Variants in PTPN5 observed in about 807,000 individuals in gnomAD.
PTPN5 encodes the protein tyrosine-protein phosphatase non-receptor type 5.
A neutral mutation model predicts 73.9 loss-of-function variants in PTPN5; 29 were observed. The ratio of observed to expected loss-of-function variants is 0.39; its 90% CI spans 0.29 to 0.54. The LOEUF (loss-of-function observed/expected upper bound fraction) is 0.54. Among genes scored for constraint, PTPN5 ranks in the 20% least tolerant of loss-of-function variants. The probability of loss-of-function intolerance (pLI) is 0.65; values close to 1 mark genes in which losing one functional copy is unlikely to be tolerated. For synonymous variants in PTPN5, 267 were observed against 304.7 expected (o/e 0.88, Z 1.29); for missense variants, 652 against 751.4 (o/e 0.87, Z 1.55).
chr11:18,777,475 C>A (rs781691156), intron 1 of PTPN5, among the ~76,000 whole-genome samples: 6 of 152,156 alleles, frequency 3.9e-5, no homozygotes, highest in South Asian at 4.1e-4. Flanking sequence ...TCAGGCTTTG[C>A]CTGTTTCCCA....
intron 1 of PTPN5, among the ~76,000 whole-genome samples, chr11:18,780,966 T>C (rs1196373214): frequency 1.3e-5 from 2 of 152,206 alleles, no homozygotes; most frequent in Non-Finnish European, 2.9e-5. Flanking sequence ...TGACACTCAG[T>C]ACCAGGGTCA....
Position 18,740,644 on chromosome 11 carries a change from C to T in PTPN5, c.874G>A (p.Glu292Lys), listed in dbSNP as rs748801488. 2.5e-6 allele frequency: 4 copies of T among 1,595,958 alleles called. No homozygotes were observed. In the South Asian group the frequency reaches 4.5e-5, roughly 18 times the overall value. The change falls in exon 8 of 15, where the codon GAA becomes AAA. Residue 292 changes from glutamate to lysine, a missense_variant. Physicochemically the swap from Glu to Lys is moderately conservative, Grantham distance 56. Transcript: ENST00000358540. ...SRVLQAEELH[E>K]KALDPFLLQA... ...AGCAGGAAAGGGTCCAGGGCCTTTTCATGAAGCTCTTCTGCTTGGAGGACA... is the reference window on the plus strand; with the variant it reads ...AGCAGGAAAGGGTCCAGGGCCTTTTTATGAAGCTCTTCTGCTTGGAGGACA...
At position 18,779,372 on chromosome 11, in the gene PTPN5, T is replaced by TA. The variant is rs568657915; in HGVS notation, c.-113-7302dup. ...TCTTTTGCAAGGAAAAAAAAAAAAA[T>TA]AGAGTGTAAACTAGGAAAAAATCCC... is the stretch of plus-strand genomic sequence containing the variant. On this transcript the variant is annotated intron_variant, in intron 1 of 14. Transcript: ENST00000358540. Among the ~76,000 whole-genome samples the TA allele has an allele frequency of 1.0e-3, 150 of 147,790 alleles. No homozygotes were observed. In the South Asian group the frequency reaches 0.029, roughly 29 times the overall value.
intron 3 of PTPN5, among the ~76,000 whole-genome samples, chr11:18,746,968 C>T (rs539225217): frequency 6.6e-6 from 1 of 152,266 alleles, no homozygotes; most frequent in South Asian, 2.1e-4. Flanking sequence ...GGCTTCTGTG[C>T]CTTGGTTCTG....
At chr11:18,764,751 C>T (rs902750723) in intron 3 of PTPN5, among the ~76,000 whole-genome samples, 3 of 152,140 alleles carry the variant, frequency 2.0e-5, no homozygotes, top group East Asian at 1.9e-4. Flanking sequence ...CTTACTCTGT[C>T]GCCCAGGCTG....
intron 3 of PTPN5, among the ~76,000 whole-genome samples, chr11:18,754,834 G>A (rs1850055813): frequency 6.6e-6 from 1 of 152,094 alleles, no homozygotes; most frequent in African/African-American, 2.4e-5. Flanking sequence ...TTGTACGTAG[G>A]CATATCCTGA....
At chr11:18,781,903 A>G (rs1036159614) in intron 1 of PTPN5, among the ~76,000 whole-genome samples, 6 of 152,186 alleles carry the variant, frequency 3.9e-5, no homozygotes, top group Non-Finnish European at 5.9e-5. Context: ...AGAGACCCGA[A>G]GGACAAGCAG....
Position 18,735,225 on chromosome 11 carries a change from G to A in PTPN5, c.1001-1590C>T, listed in dbSNP as rs754525228. Among the ~76,000 whole-genome samples the A allele has an allele frequency of 4.1e-4, 63 of 152,222 alleles. 1 individual carries two copies. Among genetic ancestry groups the A allele is most frequent in the Non-Finnish European group, 6.0e-4 (41 of 68,018 alleles). Reference sequence around the variant, plus strand: ...TGGGGAGGTAAAGGGCACAAGCTTCGCCTCTTTAGCCCAACCCCAATGTCT... The same window carrying A: ...TGGGGAGGTAAAGGGCACAAGCTTCACCTCTTTAGCCCAACCCCAATGTCT... On this transcript the variant is annotated intron_variant, in intron 9 of 14. Coordinates refer to ENST00000358540, the MANE Select transcript of PTPN5 (RefSeq NM_006906.2).
chr11:18,769,072 C>T (rs1850761709), intron 2 of PTPN5, among the ~76,000 whole-genome samples: 1 of 152,148 alleles, frequency 6.6e-6, no homozygotes, highest in African/African-American at 2.4e-5. Flanking sequence ...AATCACCCAG[C>T]CTGCCCCCAC....
intron 1 of PTPN5, among the ~76,000 whole-genome samples, chr11:18,779,726 T>C (rs1378389410): frequency 1.3e-5 from 2 of 152,172 alleles, no homozygotes; most frequent in Non-Finnish European, 2.9e-5. Context: ...ACGGGCTGAA[T>C]TCCTCAAAGC....
chr11:18,744,772 G>A (rs1283700090), intron 3 of PTPN5, among the ~76,000 whole-genome samples: 7 of 152,340 alleles, frequency 4.6e-5, no homozygotes, highest in African/African-American at 1.7e-4. Context: ...TCTTGGTGTA[G>A]CAGAATTGAT....
At chr11:18,737,783 C>A in intron 9 of PTPN5, 97 bp downstream of exon 9, 1 of 1,077,926 alleles carries the variant, frequency 9.3e-7, no homozygotes, top group South Asian at 1.3e-5. Flanking sequence ...CCAGTCCTGT[C>A]ACCCCTAGAG....
chr11:18,742,326 T>C lies in PTPN5; in HGVS notation c.661A>G (p.Met221Val), dbSNP rs1253744223. The C allele has an allele frequency of 1.2e-6, 2 of 1,613,908 alleles. No individual in the cohort carries two copies. Among genetic ancestry groups the C allele is most frequent in the Non-Finnish European group, 1.7e-6 (2 of 1,179,996 alleles). Reference sequence around the variant, plus strand: ...GGGTCAGCCTCAGGCTTGATGTCCATCACACAATCAAACACAGGAGTCTCG... The same window carrying C: ...GGGTCAGCCTCAGGCTTGATGTCCACCACACAATCAAACACAGGAGTCTCG... ...VPETPVFDCV[M>V]DIKPEADPTS... Residue 221 changes from methionine (M) to valine (V), a missense_variant, in exon 7 of 15, where the codon ATG becomes GTG. Met to Val is a conservative substitution (Grantham distance 21). Transcript: ENST00000358540. This position sits in a 1 kb window ranked among gnomAD's most constrained non-coding sequence, Gnocchi z 4.1.
intron 8 of PTPN5, among the ~76,000 whole-genome samples, chr11:18,738,886 C>T (rs182742423): frequency 2.1e-4 from 31 of 151,198 alleles, no homozygotes; most frequent in African/African-American, 7.1e-4. Context: ...GCAGGAGAAT[C>T]GCTTGGAACT....
chr11:18,777,511 G>A (rs541980285), intron 1 of PTPN5, among the ~76,000 whole-genome samples: 61 of 152,278 alleles, frequency 4.0e-4, no homozygotes, highest in Non-Finnish European at 6.5e-4. Context: ...CTCCTCCCAC[G>A]GATAAGGTCC....
intron 1 of PTPN5, among the ~76,000 whole-genome samples, chr11:18,784,143 T>G (rs911605867): frequency 3.3e-5 from 5 of 152,144 alleles, no homozygotes; most frequent in Admixed American, 6.5e-5. Context: ...AGAATGATCA[T>G]ACGATCCAGC....
intron 3 of PTPN5, among the ~76,000 whole-genome samples, chr11:18,746,408 T>G (rs1229582176): frequency 6.6e-6 from 1 of 151,780 alleles, no homozygotes; most frequent in Non-Finnish European, 1.5e-5. Context: ...GCCAGGCTGG[T>G]CTTGAACACC....
intron 3 of PTPN5, among the ~76,000 whole-genome samples, chr11:18,759,453 G>A (rs1850295209): frequency 6.6e-6 from 1 of 152,140 alleles, no homozygotes; most frequent in Non-Finnish European, 1.5e-5. Flanking sequence ...GCACCCCAAG[G>A]CCTAGCTAGA....
intron 1 of PTPN5, among the ~76,000 whole-genome samples, chr11:18,785,650 C>A (rs1407769834): frequency 6.6e-6 from 1 of 152,138 alleles, no homozygotes. Context: ...TGCCCATATG[C>A]TGCCACCATT....
Sources: gnomAD v4.1 joint callset for allele counts (sites outside exome capture counted in the v4.1 genomes callset) on GRCh38, gnomAD v4.1.1 for gene constraint, Gnocchi (gnomAD v3.1) non-coding constraint, MANE v1.5 for transcripts, NCBI Gene and HGNC (gene_info 2026-07-23, HGNC 2026-07-21) for gene names.